FAM184B: variants seen among roughly 807,000 people sequenced by gnomAD.
FAM184B encodes protein FAM184B.
FAM184B carries 111 observed loss-of-function variants against 135.9 expected under a neutral mutation model. The observed-to-expected ratio is 0.82, with a 90% CI of 0.70 to 0.96. The LOEUF is 0.96. Among genes scored for constraint, FAM184B ranks in the 40% least tolerant of loss-of-function variants. FAM184B has a pLI of 0.00. For missense variants in FAM184B, 1,375 were observed against 1,323.9 expected, an observed-to-expected ratio of 1.04 and a Z score of -0.60; for synonymous variants, 552 against 524.8, an observed-to-expected ratio of 1.05 and a Z score of -0.71.
At chr4:17,698,319 C>T (rs16895515) in intron 5 of FAM184B, among the ~76,000 whole-genome samples, 2,624 of 152,106 alleles carry the variant, frequency 0.017, 74 homozygotes, top group African/African-American at 0.058. Flanking sequence ...GCTGATAAGA[C>T]GTAGATACAG....
At chr4:17,711,838 T>C (rs755040980) in intron 1 of FAM184B, among the ~76,000 whole-genome samples, 2 of 151,946 alleles carry the variant, frequency 1.3e-5, no homozygotes, top group Non-Finnish European at 2.9e-5. Flanking sequence ...GACAGGAGAA[T>C]GAGGGAGCTC....
At chr4:17,663,296 G>A (rs1311886180) in intron 8 of FAM184B, among the ~76,000 whole-genome samples, 1 of 152,060 alleles carries the variant, frequency 6.6e-6, no homozygotes, top group Non-Finnish European at 1.5e-5. Context: ...TAAAAAATAG[G>A]TTTGCAGCAC....
At chr4:17,739,553 C>CTTTTTTTTTTTTTTTT (rs1560190028) in intron 1 of FAM184B, among the ~76,000 whole-genome samples, 7 of 8,678 alleles carry the variant, frequency 8.1e-4, no homozygotes, top group Non-Finnish European at 1.3e-3. Context: ...GTCATACCAA[C>CTTTTTTTTTTTTTTTT]TGTTTTTTTT....
chr4:17,688,014 G>A (rs1349758383), intron 7 of FAM184B, among the ~76,000 whole-genome samples: 1 of 152,140 alleles, frequency 6.6e-6, no homozygotes, highest in East Asian at 1.9e-4. Flanking sequence ...TCACGGACAA[G>A]GGCTGTTGTG....
At chr4:17,640,093 A>C (rs2108929342) in intron 13 of FAM184B, among the ~76,000 whole-genome samples, 1 of 114,868 alleles carries the variant, frequency 8.7e-6, no homozygotes, top group Middle Eastern at 4.8e-3. Flanking sequence ...CAGCCTCCCA[A>C]AGTGCTGGGA....
intron 1 of FAM184B, among the ~76,000 whole-genome samples, chr4:17,767,551 C>T (rs1455694245): frequency 3.3e-5 from 5 of 152,096 alleles, no homozygotes; most frequent in African/African-American, 1.2e-4. Flanking sequence ...AATTGTTTTA[C>T]GTGTGTTTTA....
intron 5 of FAM184B, among the ~76,000 whole-genome samples, chr4:17,700,898 T>G (rs1315657350): frequency 1.3e-5 from 2 of 152,092 alleles, no homozygotes; most frequent in Non-Finnish European, 2.9e-5. Flanking sequence ...CAGGGTTATT[T>G]TGGAAATTGA....
chr4:17,686,825 C>G (rs930800320), intron 7 of FAM184B, among the ~76,000 whole-genome samples: 1 of 152,124 alleles, frequency 6.6e-6, no homozygotes, highest in African/African-American at 2.4e-5. Context: ...ACATGAGGTC[C>G]CAGCTACTCG....
At chr4:17,778,087 A>AT (rs1553845181) in intron 1 of FAM184B, among the ~76,000 whole-genome samples, 2 of 152,106 alleles carry the variant, frequency 1.3e-5, no homozygotes, top group South Asian at 4.1e-4. Context: ...AAAAAAAAAA[A>AT]GTACCTCCTC....
At chr4:17,777,408 A>G (rs1718949478) in intron 1 of FAM184B, among the ~76,000 whole-genome samples, 2 of 152,202 alleles carry the variant, frequency 1.3e-5, no homozygotes, top group Non-Finnish European at 2.9e-5. Flanking sequence ...GTTATGGCTT[A>G]ATGACTAAAA....
intron 1 of FAM184B, among the ~76,000 whole-genome samples, chr4:17,735,369 G>A (rs1433418251): frequency 1.3e-5 from 2 of 151,612 alleles, no homozygotes; most frequent in Non-Finnish European, 1.5e-5. Flanking sequence ...AAGAAAGTTC[G>A]ATTATAAAAA....
chr4:17,719,224 A>T (rs1044871064), intron 1 of FAM184B, among the ~76,000 whole-genome samples: 2 of 152,182 alleles, frequency 1.3e-5, no homozygotes, highest in Non-Finnish European at 2.9e-5. Flanking sequence ...ACTTGAAAAC[A>T]AGCACTGTGA....
intron 1 of FAM184B, among the ~76,000 whole-genome samples, chr4:17,723,121 A>G (rs1420372887): frequency 6.6e-6 from 1 of 152,180 alleles, no homozygotes; most frequent in Non-Finnish European, 1.5e-5. Flanking sequence ...AATGTGTGCT[A>G]CCATTATTTT....
intron 1 of FAM184B, among the ~76,000 whole-genome samples, chr4:17,733,695 G>C (rs1717839277): frequency 6.6e-6 from 1 of 152,154 alleles, no homozygotes; most frequent in South Asian, 2.1e-4. Flanking sequence ...CAAACAAATG[G>C]AAGAACATTC....
intron 1 of FAM184B, among the ~76,000 whole-genome samples, chr4:17,720,963 T>C (rs969659313): frequency 1.5e-4 from 23 of 151,464 alleles, no homozygotes; most frequent in African/African-American, 5.6e-4. Context: ...ATCCAGTAAT[T>C]CCATTTGCTT....
At chr4:17,645,819 A>G (rs1260827981) in intron 12 of FAM184B, among the ~76,000 whole-genome samples, 5 of 152,098 alleles carry the variant, frequency 3.3e-5, no homozygotes, top group African/African-American at 7.2e-5. Flanking sequence ...AATTTTTGCA[A>G]TCTACTCATC....
intron 8 of FAM184B, among the ~76,000 whole-genome samples, chr4:17,663,883 A>G (rs910720833): frequency 4.6e-5 from 7 of 152,026 alleles, no homozygotes; most frequent in Non-Finnish European, 1.0e-4. Context: ...TGATGGTTTT[A>G]TAAGTGTTTG....
At chr4:17,751,933 C>A (rs1436194877) in intron 1 of FAM184B, among the ~76,000 whole-genome samples, 3 of 149,324 alleles carry the variant, frequency 2.0e-5, no homozygotes, top group Admixed American at 1.3e-4. Context: ...AGTTCAGGAA[C>A]CCACGGAATA....
chr4:17,641,840 A>C (rs1427177256), intron 13 of FAM184B, among the ~76,000 whole-genome samples: 1 of 151,550 alleles, frequency 6.6e-6, no homozygotes, highest in East Asian at 1.9e-4. Context: ...TGCGGTTTTG[A>C]GATCCAGAAT....
Sources: gnomAD v4.1 joint callset for allele counts (sites outside exome capture counted in the v4.1 genomes callset) on GRCh38, gnomAD v4.1.1 for gene constraint, MANE v1.5 for transcripts, NCBI Gene and HGNC (gene_info 2026-07-23, HGNC 2026-07-21) for gene names.